PALM2AKAP2: variants seen among roughly 807,000 people sequenced by gnomAD.
PALM2AKAP2 encodes PALM2 and AKAP2 fusion, also known as PALM2-AKAP2 fusion protein.
A neutral mutation model predicts 71.5 loss-of-function variants in PALM2AKAP2; 37 were observed. The ratio of observed to expected loss-of-function variants is 0.52; its 90% CI spans 0.40 to 0.68. The LOEUF (loss-of-function observed/expected upper bound fraction) is 0.68. Among genes scored for constraint, PALM2AKAP2 ranks in the 30% least tolerant of loss-of-function variants. The pLI, the probability that PALM2AKAP2 is intolerant of heterozygous loss-of-function variation, is 0.00. For synonymous variants in PALM2AKAP2, 468 were observed against 478.8 expected (o/e 0.98, Z 0.29); for missense variants, 1,224 against 1,191.8 (o/e 1.03, Z -0.40).
intron 3 of PALM2AKAP2, among the ~76,000 whole-genome samples, chr9:109,906,888 G>A (rs1830457904): frequency 6.6e-6 from 1 of 152,154 alleles, no homozygotes; most frequent in African/African-American, 2.4e-5. Context: ...TGGCATTCAA[G>A]AGCCATCATA....
chr9:109,656,863 G>A (rs1454817400), intron 1 of PALM2AKAP2, among the ~76,000 whole-genome samples: 6 of 152,174 alleles, frequency 3.9e-5, no homozygotes, highest in African/African-American at 1.4e-4. Context: ...ATATTGATGA[G>A]GAGGATTCTT....
At chr9:110,024,845 C>T (rs1833147088) in intron 7 of PALM2AKAP2, 3 of 742,140 alleles carry the variant, frequency 4.0e-6, no homozygotes, top group Middle Eastern at 7.0e-4. Context: ...TTTAACAGCC[C>T]AGAGGTCTTT....
chr9:110,127,564 C>G (rs1045254048), intron 1 of PALM2AKAP2: 1 of 152,302 alleles, frequency 6.6e-6, no homozygotes, highest in Non-Finnish European at 1.5e-5. Context: ...CTCCACTTCC[C>G]GCTTATAGGC....
At chr9:109,878,564 C>T (rs1484025345) in intron 2 of PALM2AKAP2, among the ~76,000 whole-genome samples, 1 of 152,188 alleles carries the variant, frequency 6.6e-6, no homozygotes, top group Admixed American at 6.5e-5. Flanking sequence ...CCTGAACCCA[C>T]ACTGATGATG....
intron 2 of PALM2AKAP2, among the ~76,000 whole-genome samples, chr9:110,146,024 G>A (rs113747193): frequency 6.8e-5 from 10 of 148,038 alleles, no homozygotes; most frequent in South Asian, 4.4e-4. Flanking sequence ...TCAGCCTCCC[G>A]AGTAGCTGGG....
chr9:110,171,634 A>C (rs1255284230), exon 4 of PALM2AKAP2: 2 of 152,174 alleles, frequency 1.3e-5, no homozygotes, highest in African/African-American at 4.8e-5. Context: ...AACTTTCTGA[A>C]GATGGGACCG....
At chr9:109,728,447 G>C (rs1049239299) in intron 1 of PALM2AKAP2, among the ~76,000 whole-genome samples, 3 of 152,192 alleles carry the variant, frequency 2.0e-5, no homozygotes, top group Admixed American at 2.0e-4. Flanking sequence ...CACACAGAAG[G>C]AAGAAGTAAA....
At chr9:110,146,726 G>C (rs776567458) in intron 2 of PALM2AKAP2, among the ~76,000 whole-genome samples, 39 of 152,274 alleles carry the variant, frequency 2.6e-4, no homozygotes, top group Non-Finnish European at 4.1e-4. Context: ...TGGCATTTCA[G>C]ATCTATTTGA....
At chr9:110,122,443 C>T (rs1409997510) in intron 1 of PALM2AKAP2, among the ~76,000 whole-genome samples, 1 of 152,204 alleles carries the variant, frequency 6.6e-6, no homozygotes, top group Non-Finnish European at 1.5e-5. Flanking sequence ...GGATTCATGG[C>T]TTCTAGCCAG....
intron 1 of PALM2AKAP2, among the ~76,000 whole-genome samples, chr9:110,097,507 C>G (rs574964382): frequency 1.3e-5 from 2 of 152,144 alleles, no homozygotes; most frequent in African/African-American, 2.4e-5. Context: ...CAGAGACGCT[C>G]CTCACATCCC....
rs1475113895 is a variant in PALM2AKAP2 at position 110,006,902 on chromosome 9, T to A, written c.497-9052T>A. On this transcript the variant is annotated intron_variant, in intron 6 of 9. Coordinates refer to the PALM2AKAP2 transcript ENST00000302798. ...ACATCCTCAGGGAAGGCTGAGACCT[T>A]CCTCAACCCAGGGTTTATTCTTGGT... Among the ~76,000 whole-genome samples the A allele has an allele frequency of 2.0e-5, 3 of 152,088 alleles. No homozygotes were observed. The East Asian group carries it at 5.8e-4, about 29-fold the overall frequency.
intron 1 of PALM2AKAP2, among the ~76,000 whole-genome samples, chr9:109,699,107 C>T (rs561414466): frequency 2.1e-4 from 32 of 152,170 alleles, no homozygotes; most frequent in East Asian, 1.2e-3. Flanking sequence ...AATAACAGAA[C>T]GACAAATGGG....
At chr9:110,031,766 T>G (rs1164417032) in intron 7 of PALM2AKAP2, among the ~76,000 whole-genome samples, 1 of 152,216 alleles carries the variant, frequency 6.6e-6, no homozygotes, top group Non-Finnish European at 1.5e-5. Flanking sequence ...AATGAGATGA[T>G]GCTGGTATGT....
intron 1 of PALM2AKAP2, among the ~76,000 whole-genome samples, chr9:109,830,811 C>A (rs982714185): frequency 6.6e-6 from 1 of 152,118 alleles, no homozygotes; most frequent in Non-Finnish European, 1.5e-5. Context: ...GCAGCGGAAG[C>A]CCAGGTGCTA....
intron 6 of PALM2AKAP2, among the ~76,000 whole-genome samples, chr9:110,014,492 G>T (rs1470563926): frequency 3.9e-5 from 6 of 152,016 alleles, no homozygotes; most frequent in African/African-American, 1.2e-4. Context: ...ACACTTGCCA[G>T]TTGGGCACAG....
At chr9:109,659,293 C>A (rs2132240336) in intron 1 of PALM2AKAP2, among the ~76,000 whole-genome samples, 1 of 152,224 alleles carries the variant, frequency 6.6e-6, no homozygotes, top group South Asian at 2.1e-4. Context: ...AGTGGTGTAT[C>A]CACAAAGTTG....
intron 1 of PALM2AKAP2, among the ~76,000 whole-genome samples, chr9:110,095,317 G>A (rs1476562314): frequency 6.6e-6 from 1 of 152,184 alleles, no homozygotes; most frequent in Non-Finnish European, 1.5e-5. Flanking sequence ...AATATATGAT[G>A]CAGGATGGAA....
intron 5 of PALM2AKAP2, among the ~76,000 whole-genome samples, chr9:109,930,077 T>G (rs1038006058): frequency 1.3e-5 from 2 of 152,004 alleles, no homozygotes; most frequent in Non-Finnish European, 2.9e-5. Context: ...GAGGGGTGCC[T>G]TCAACCATGT....
chr9:109,644,655 G>A (rs1366766809), intron 1 of PALM2AKAP2, among the ~76,000 whole-genome samples: 3 of 152,096 alleles, frequency 2.0e-5, no homozygotes, highest in Non-Finnish European at 2.9e-5. Context: ...TTATAAAACC[G>A]AATGCCTTTA....
Sources: allele counts gnomAD v4.1 joint callset (sites outside exome capture counted in the v4.1 genomes callset), GRCh38; gene constraint gnomAD v4.1.1; transcripts MANE v1.5; gene names NCBI Gene and HGNC (gene_info 2026-07-23, HGNC 2026-07-21).